Variants in CPNE4 observed in about 807,000 individuals in gnomAD.
CPNE4 encodes copine 4.
CPNE4 carries 25 observed loss-of-function variants against 67.9 expected under a neutral mutation model. The observed-to-expected ratio is 0.37, with a 90% CI of 0.27 to 0.51. CPNE4 has a LOEUF of 0.51. Ranked by LOEUF, CPNE4 falls within the 20% of genes least tolerant of loss-of-function variation. The pLI is 0.93. For missense variants in CPNE4, 464 were observed against 690.8 expected (o/e 0.67, Z 3.68); for synonymous variants, 242 against 244.9 (o/e 0.99, Z 0.11).
chr3:131,755,197 A>T (rs943725716), intron 2 of CPNE4, among the ~76,000 whole-genome samples: 3 of 143,896 alleles, frequency 2.1e-5, no homozygotes, highest in South Asian at 2.2e-4. Flanking sequence ...GGAATAGGTA[A>T]TTTTTTTTTT....
In CPNE4 at chr3:132,005,102, T is replaced by C. The variant is rs150068842; in HGVS notation, c.-2+29465A>G. Among the ~76,000 whole-genome samples the C allele has an allele frequency of 3.8e-3, 584 of 151,888 alleles. 7 individuals carry two copies. Among genetic ancestry groups the C allele is most frequent in the Non-Finnish European group, 6.4e-3 (434 of 67,920 alleles). On this transcript the variant is annotated intron_variant, in intron 1 of 15. Transcript: ENST00000429747. The stretch of plus-strand genomic sequence containing the variant: ...GGTATAAAACAGAAACAGCACCCAG[T>C]TGCTCTCTGTGGTGACTATGAAGAA...
At chr3:131,897,670 A>G (rs1455040313) in intron 2 of CPNE4, among the ~76,000 whole-genome samples, 1 of 152,116 alleles carries the variant, frequency 6.6e-6, no homozygotes, top group Non-Finnish European at 1.5e-5. Flanking sequence ...CCAAGGCAGG[A>G]GGATTGCTCA....
chr3:131,965,345 T>C (rs1037707982), intron 1 of CPNE4, among the ~76,000 whole-genome samples: 14 of 152,218 alleles, frequency 9.2e-5, no homozygotes, highest in African/African-American at 2.9e-4. Context: ...GCTAGTATCA[T>C]GATGACAAGA....
chr3:131,798,749 C>T (rs2083990916), intron 2 of CPNE4, among the ~76,000 whole-genome samples: 1 of 152,156 alleles, frequency 6.6e-6, no homozygotes, highest in Non-Finnish European at 1.5e-5. Flanking sequence ...CTTCTCTTCT[C>T]AGCCTGATCA....
chr3:131,812,040 C>T (rs1292498458), intron 2 of CPNE4, among the ~76,000 whole-genome samples: 2 of 151,974 alleles, frequency 1.3e-5, no homozygotes, highest in Non-Finnish European at 2.9e-5. Context: ...AATCAATAGT[C>T]CTCACTAGAA....
intron 1 of CPNE4, among the ~76,000 whole-genome samples, chr3:131,941,630 T>C (rs2071391206): frequency 6.6e-6 from 1 of 152,082 alleles, no homozygotes; most frequent in Admixed American, 6.6e-5. Flanking sequence ...ATGCAAAATA[T>C]TATAAAGTGA....
intron 7 of CPNE4, among the ~76,000 whole-genome samples, chr3:131,639,858 A>C (rs183730063): frequency 3.9e-5 from 6 of 152,246 alleles, no homozygotes; most frequent in Admixed American, 3.9e-4. Context: ...TTTAACATAC[A>C]TAAGTCAATA....
intron 7 of CPNE4, among the ~76,000 whole-genome samples, chr3:131,601,904 T>A (rs1037450379): frequency 6.6e-5 from 10 of 152,102 alleles, no homozygotes; most frequent in African/African-American, 2.4e-4. Flanking sequence ...CAGATTTGGG[T>A]CCCAGTGTAC....
intron 2 of CPNE4, among the ~76,000 whole-genome samples, chr3:131,902,935 G>A (rs1355759524): frequency 3.3e-5 from 5 of 152,010 alleles, no homozygotes; most frequent in Non-Finnish European, 4.4e-5. Flanking sequence ...CTAAGCCTTC[G>A]ATAGGCCTGA....
intron 2 of CPNE4, among the ~76,000 whole-genome samples, chr3:131,866,793 T>C (rs2086971665): frequency 1.3e-5 from 2 of 152,212 alleles, no homozygotes; most frequent in South Asian, 4.1e-4. Flanking sequence ...AGGTAATTGC[T>C]GTTGTGTAAA....
intron 8 of CPNE4, among the ~76,000 whole-genome samples, chr3:131,586,759 T>C (rs1938209777): frequency 6.6e-6 from 1 of 151,426 alleles, no homozygotes; most frequent in African/African-American, 2.5e-5. Context: ...TGTCTGTCTG[T>C]CTGTCTGTCT....
intron 2 of CPNE4, among the ~76,000 whole-genome samples, chr3:131,827,521 A>G (rs1233132328): frequency 6.6e-6 from 1 of 152,126 alleles, no homozygotes. Context: ...GATGTGAAAC[A>G]TTTTATGACC....
chr3:131,700,494 TAATTGCG>T (rs2081270637), intron 3 of CPNE4, among the ~76,000 whole-genome samples: 1 of 152,164 alleles, frequency 6.6e-6, no homozygotes, highest in Non-Finnish European at 1.5e-5. Flanking sequence ...TCAATAGAAG[TAATTGCG>T]GTTCTCTTCA....
At chr3:131,916,506 G>C (rs1219465301) in intron 1 of CPNE4, among the ~76,000 whole-genome samples, 1 of 152,150 alleles carries the variant, frequency 6.6e-6, no homozygotes, top group African/African-American at 2.4e-5. Flanking sequence ...TTTAAGAATT[G>C]CTTCATGTAC....
chr3:131,661,286 C>CTAAA (rs1468974287), intron 7 of CPNE4, among the ~76,000 whole-genome samples: 1 of 152,144 alleles, frequency 6.6e-6, no homozygotes, highest in Non-Finnish European at 1.5e-5. Context: ...CAGGTTTAAA[C>CTAAA]TAAAGCTGTG....
chr3:131,811,039 T>A (rs2084504895), intron 2 of CPNE4, among the ~76,000 whole-genome samples: 1 of 151,896 alleles, frequency 6.6e-6, no homozygotes, highest in African/African-American at 2.4e-5. Flanking sequence ...AATGGAAAAG[T>A]GATGATTAGA....
At chr3:131,589,079 A>G (rs1938367876) in intron 7 of CPNE4, among the ~76,000 whole-genome samples, 1 of 152,170 alleles carries the variant, frequency 6.6e-6, no homozygotes, top group African/African-American at 2.4e-5. Flanking sequence ...CTCCAGAGGG[A>G]CAGAACTAAT....
At chr3:131,657,204 G>A (rs2079993997) in intron 7 of CPNE4, among the ~76,000 whole-genome samples, 1 of 152,170 alleles carries the variant, frequency 6.6e-6, no homozygotes, top group Non-Finnish European at 1.5e-5. Flanking sequence ...TCCTTCTGGT[G>A]TAAAGATGAC....
chr3:131,827,378 G>A (rs1167121879), intron 2 of CPNE4, among the ~76,000 whole-genome samples: 2 of 151,402 alleles, frequency 1.3e-5, no homozygotes, highest in Non-Finnish European at 2.9e-5. Flanking sequence ...AGGTAGACAT[G>A]GTAATTCATG....
Sources: allele counts gnomAD v4.1 joint callset (sites outside exome capture counted in the v4.1 genomes callset), GRCh38; gene constraint gnomAD v4.1.1; transcripts MANE v1.5; gene names NCBI Gene and HGNC (gene_info 2026-07-23, HGNC 2026-07-21).